The following PGR variants were observed in gnomAD, a reference collection of about 807,000 sequenced individuals.
PGR encodes nuclear receptor subfamily 3 group C member 3.
Under a neutral mutation model 76.1 loss-of-function variants are expected in PGR, and 25 were observed. The observed-to-expected ratio is 0.33, with a 90% CI of 0.24 to 0.46. PGR has a LOEUF of 0.46. Among genes scored for constraint, PGR ranks in the 20% least tolerant of loss-of-function variants. PGR has a pLI of 1.00. For synonymous variants in PGR, 579 were observed against 535.0 expected (o/e 1.08, Z -1.14); for missense variants, 1,172 against 1,225.3 (o/e 0.96, Z 0.65).
chr11:101,080,397 C>G (rs1344180378), intron 3 of PGR, among the ~76,000 whole-genome samples: 1 of 150,332 alleles, frequency 6.7e-6, no homozygotes, highest in Non-Finnish European at 1.5e-5. Context: ...GAGGCACAAG[C>G]CCTAGAAAAG....
intron 3 of PGR, among the ~76,000 whole-genome samples, chr11:101,082,738 T>G (rs1189233288): frequency 1.3e-5 from 2 of 152,210 alleles, no homozygotes; most frequent in Non-Finnish European, 2.9e-5. Flanking sequence ...GACCTGGCTG[T>G]TTCTAAACAT....
chr11:101,065,680 G>A (rs529485253), intron 3 of PGR, among the ~76,000 whole-genome samples: 12 of 152,288 alleles, frequency 7.9e-5, no homozygotes, highest in East Asian at 1.9e-4. Context: ...TGTGGGGTCA[G>A]TGGTCCCCCA....
chr11:101,037,543 G>A lies in PGR; in HGVS notation c.*1573C>T, dbSNP rs1204650707. On this transcript the variant is annotated 3_prime_UTR_variant, in exon 8 of 8. Coordinates refer to ENST00000325455, the MANE Select transcript of PGR (RefSeq NM_000926.4). Reference sequence around the variant, plus strand: ...ATTGTTTTGTGGAATTTTGCTTAGGGAGAGAAATAATATTCCATTCATTCA... The same window carrying A: ...ATTGTTTTGTGGAATTTTGCTTAGGAAGAGAAATAATATTCCATTCATTCA... 1 of 228,076 alleles carries A rather than the reference G, an allele frequency of 4.4e-6. No individual in the cohort carries two copies. The highest frequency in any genetic ancestry group is 8.7e-6 in the Non-Finnish European group (1 of 114,948). The allele number at this position is 228,076 out of a possible 1,614,324, so 14.1% of individuals were successfully genotyped here.
rs56355097 is a variant in PGR, at chr11:101,107,865, T to TAAAAAAAAAAAAAA, written c.1790-16003_1790-15990dup. Among the ~76,000 whole-genome samples the TAAAAAAAAAAAAAA allele has an allele frequency of 2.1e-3, 245 of 119,082 alleles. 9 individuals carry two copies. The highest frequency in any genetic ancestry group is 4.5e-3 in the Middle Eastern group (1 of 222). 78.1% of individuals were successfully genotyped at this position (119,082 alleles called of 152,430 possible). A position where few individuals can be genotyped will look rare whatever the true frequency, so the allele number is the denominator to read the frequency against. On this transcript the variant is annotated intron_variant, in intron 2 of 7. Transcript: ENST00000325455. ...CCAGTCTTACTTGAAACTGGCTTTG[T>TAAAAAAAAAAAAAA]AAAAAAAAAAAAAAAGAAAGAAAAA...
intron 3 of PGR, among the ~76,000 whole-genome samples, chr11:101,089,612 T>G (rs1457463942): frequency 6.7e-6 from 1 of 150,354 alleles, no homozygotes; most frequent in African/African-American, 2.5e-5. Context: ...GAATAGTATC[T>G]GGTAACTAGA....
intron 2 of PGR, among the ~76,000 whole-genome samples, chr11:101,123,428 A>G (rs1862739896): frequency 6.6e-6 from 1 of 152,170 alleles, no homozygotes; most frequent in Admixed American, 6.5e-5. Context: ...AAGTCCTTCT[A>G]CTTATCTTTC....
In PGR at chr11:101,033,960, A is replaced by G. The variant is rs1242270222; in HGVS notation, c.*5156T>C. The G allele has an allele frequency of 8.8e-6, 2 of 226,328 alleles. No individual in the cohort carries two copies. Among genetic ancestry groups the G allele is most frequent in the Non-Finnish European group, 1.8e-5 (2 of 113,856 alleles). The allele number at this position is 226,328 out of a possible 1,614,324, so 14.0% of individuals were successfully genotyped here. On this transcript the variant is annotated 3_prime_UTR_variant, in exon 8 of 8. Transcript: ENST00000325455. The stretch of plus-strand genomic sequence containing the variant: ...AGCTATAGCATATGTCCTGAAAACT[A>G]TTTACAATACCATTTAAATATTTTA...
intron 3 of PGR, among the ~76,000 whole-genome samples, chr11:101,090,293 C>T (rs554580111): frequency 6.6e-6 from 1 of 152,256 alleles, no homozygotes; most frequent in African/African-American, 2.4e-5. Flanking sequence ...AGGTTCTATC[C>T]AGAACTCCGC....
At chr11:101,107,030 G>T (rs755415992) in intron 2 of PGR, among the ~76,000 whole-genome samples, 15 of 152,160 alleles carry the variant, frequency 9.9e-5, no homozygotes, top group Admixed American at 6.5e-5. Context: ...CATGGACTTA[G>T]GGAGGGGAAC....
intron 2 of PGR, among the ~76,000 whole-genome samples, chr11:101,094,680 T>G (rs1861781452): frequency 6.6e-6 from 1 of 152,228 alleles, no homozygotes; most frequent in African/African-American, 2.4e-5. Flanking sequence ...ATTGTATTAT[T>G]AGAGAAATTA....
intron 3 of PGR, among the ~76,000 whole-genome samples, chr11:101,067,212 C>T (rs1860752982): frequency 6.6e-6 from 1 of 152,092 alleles, no homozygotes. Flanking sequence ...GGCTTGCTTC[C>T]TCACCTAATT....
chr11:101,063,569 A>G (rs1860592438), intron 3 of PGR: 1 of 152,144 alleles, frequency 6.6e-6, no homozygotes, highest in Non-Finnish European at 1.5e-5. Context: ...CCTTGAGGAG[A>G]ATTAGAGAAA....
chr11:101,068,744 C>A (rs1817063608), intron 3 of PGR, among the ~76,000 whole-genome samples: 1 of 145,584 alleles, frequency 6.9e-6, no homozygotes, highest in South Asian at 2.1e-4. Flanking sequence ...CTTTGACAAA[C>A]CTGACCAAAA....
At chr11:101,040,201 C>T (rs1310598133) in intron 7 of PGR, among the ~76,000 whole-genome samples, 2 of 151,998 alleles carry the variant, frequency 1.3e-5, no homozygotes, top group Non-Finnish European at 2.9e-5. Context: ...TCAAATTCTG[C>T]AACAGAATTG....
At chr11:101,071,462 G>T (rs1418291774) in intron 3 of PGR, among the ~76,000 whole-genome samples, 2 of 152,004 alleles carry the variant, frequency 1.3e-5, no homozygotes, top group Non-Finnish European at 2.9e-5. Flanking sequence ...GAATAAAACT[G>T]GACGGAGAAT....
chr11:101,097,778 C>CTT (rs145454653), intron 2 of PGR, among the ~76,000 whole-genome samples: 9 of 129,780 alleles, frequency 6.9e-5, no homozygotes, highest in South Asian at 2.7e-4. Context: ...AAGTGTTACT[C>CTT]TTTTTTTTTT....
intron 2 of PGR, among the ~76,000 whole-genome samples, chr11:101,118,576 C>T (rs1007906149): frequency 2.6e-5 from 4 of 152,032 alleles, no homozygotes; most frequent in Non-Finnish European, 2.9e-5. Context: ...CAACACAAGA[C>T]GCTGTAGTAG....
chr11:101,116,739 C>CAAAAAAAAAAAAAAAAAAAAA (rs11300466), intron 2 of PGR, among the ~76,000 whole-genome samples: 1 of 68,968 alleles, frequency 1.4e-5, no homozygotes, highest in Non-Finnish European at 2.6e-5. Flanking sequence ...GATTCCACCT[C>CAAAAAAAAAAAAAAAAAAAAA]AAAAAAAAAA....
Position 101,029,657 on chromosome 11 carries a change from A to G in PGR, c.*9459T>C. On this transcript the variant is annotated 3_prime_UTR_variant, in exon 8 of 8. Coordinates refer to ENST00000325455, the MANE Select transcript of PGR (RefSeq NM_000926.4). ...AGTTTATTCTTTATTATCACACAGAATAACAAGAATTAGAGTTAAATTCAC... is the reference window on the plus strand; with the variant it reads ...AGTTTATTCTTTATTATCACACAGAGTAACAAGAATTAGAGTTAAATTCAC... 1 of 195,356 alleles carries G rather than the reference A, an allele frequency of 5.1e-6. No homozygotes were observed. The highest frequency in any genetic ancestry group is 2.3e-5 in the African/African-American group (1 of 43,368). The allele number at this position is 195,356 out of a possible 1,614,324, so 12.1% of individuals were successfully genotyped here.
Sources: allele counts gnomAD v4.1 joint callset (sites outside exome capture counted in the v4.1 genomes callset), GRCh38; gene constraint gnomAD v4.1.1; transcripts MANE v1.5; gene names NCBI Gene and HGNC (gene_info 2026-07-23, HGNC 2026-07-21).